CHST15: variants seen among roughly 807,000 people sequenced by gnomAD.
The protein encoded by CHST15 is carbohydrate sulfotransferase 15.
A neutral mutation model predicts 53.6 loss-of-function variants in CHST15; 30 were observed. The observed-to-expected ratio is 0.56, with a 90% CI of 0.42 to 0.76. The LOEUF (loss-of-function observed/expected upper bound fraction) is 0.76. CHST15 is among the 30% of genes least tolerant of loss of function. The pLI, the probability that CHST15 is intolerant of heterozygous loss-of-function variation, is 0.00. For synonymous variants in CHST15, 296 were observed against 289.8 expected (o/e 1.02, Z -0.22); for missense variants, 627 against 740.5 (o/e 0.85, Z 1.78).
Position 124,051,150 on chromosome 10 carries a change from C to G in CHST15, c.-512-4426G>C, listed in dbSNP as rs572289810. On this transcript the variant is annotated intron_variant, in intron 1 of 7. Transcript: ENST00000435907. Reference sequence around the variant, plus strand: ...TAGAGACGGAGTTTCACCATGTTGGCCAGGCTAGTCTCGAACTCTTGGCCT... The same window carrying G: ...TAGAGACGGAGTTTCACCATGTTGGGCAGGCTAGTCTCGAACTCTTGGCCT... 2.2e-4 allele frequency among the ~76,000 whole-genome samples: 33 copies of G among 152,220 alleles called. 1 individual carries two copies. The South Asian group carries it at 6.6e-3, about 31-fold the overall frequency.
In CHST15 at chr10:124,009,793, T is replaced by C. The variant is rs1946361085; in HGVS notation, c.*356A>G. The C allele has an allele frequency of 4.7e-6, 5 of 1,075,124 alleles. No homozygotes were observed. Among genetic ancestry groups the C allele is most frequent in the Middle Eastern group, 4.4e-4 (1 of 2,294 alleles). 66.6% of individuals were successfully genotyped at this position (1,075,124 alleles called of 1,614,324 possible). A position where few individuals can be genotyped will look rare whatever the true frequency, so the allele number is the denominator to read the frequency against. ...GCTTGCTGACTCAGAACCCAGAGGC[T>C]CTCCAGAAGGCGGAGGCGGGCAGGG... On this transcript the variant is annotated 3_prime_UTR_variant, in exon 8 of 8. Coordinates refer to ENST00000435907, the MANE Select transcript of CHST15 (RefSeq NM_001270764.2).
chr10:124,036,887 G>A lies in CHST15; in HGVS notation c.1190+1628C>T, dbSNP rs962261898. 4.6e-5 allele frequency among the ~76,000 whole-genome samples: 7 copies of A among 152,166 alleles called. No homozygotes were observed. Among genetic ancestry groups the A allele is most frequent in the African/African-American group, 9.7e-5 (4 of 41,444 alleles). On this transcript the variant is annotated intron_variant, in intron 5 of 7. Transcript: ENST00000435907. This position sits in a 1 kb window ranked among gnomAD's most constrained non-coding sequence, Gnocchi z 5.1. Reference sequence around the variant, plus strand: ...AAGGGGTCCCAGGGGTCAGTTTCCCGGGGCTGCCAGGACAAATCACCACGA... The same window carrying A: ...AAGGGGTCCCAGGGGTCAGTTTCCCAGGGCTGCCAGGACAAATCACCACGA...
At chr10:124,023,913 G>A (rs953428483) in intron 5 of CHST15, among the ~76,000 whole-genome samples, 2 of 151,280 alleles carry the variant, frequency 1.3e-5, no homozygotes, top group African/African-American at 2.4e-5. Flanking sequence ...GCGCAATCTC[G>A]GCTCACTGCA....
At chr10:124,030,191 C>T (rs1314922257) in intron 5 of CHST15, among the ~76,000 whole-genome samples, 1 of 152,174 alleles carries the variant, frequency 6.6e-6, no homozygotes, top group Non-Finnish European at 1.5e-5. Flanking sequence ...CACAAAGACC[C>T]GAGCTGTCCT....
At chr10:124,014,633 G>T (rs1486637241) in intron 6 of CHST15, among the ~76,000 whole-genome samples, 1 of 152,160 alleles carries the variant, frequency 6.6e-6, no homozygotes, top group East Asian at 1.9e-4. Flanking sequence ...GGGCTTTTCA[G>T]TTGTCTCCCT....
intron 1 of CHST15, among the ~76,000 whole-genome samples, chr10:124,093,160 T>C (rs1374105553): frequency 1.3e-5 from 2 of 152,150 alleles, no homozygotes; most frequent in East Asian, 1.9e-4. Context: ...TGGGGATCGC[T>C]GAAGCCTCGG....
rs117948475 is a variant in CHST15, at chr10:124,032,084, T to C, written c.1190+6431A>G. On this transcript the variant is annotated intron_variant, in intron 5 of 7. Coordinates refer to ENST00000435907, the MANE Select transcript of CHST15 (RefSeq NM_001270764.2). ...GTGACTGCCTATAACAGAATCCATT[T>C]CATTAAAAGCCTGCTTCCTTTCCTA... 3.2e-4 allele frequency among the ~76,000 whole-genome samples: 48 copies of C among 152,344 alleles called. No homozygotes were observed. In the East Asian group the frequency reaches 9.2e-3, roughly 29 times the overall value.
At chr10:124,020,338 A>T in intron 6 of CHST15, 1 of 985,230 alleles carries the variant, frequency 1.0e-6, no homozygotes, top group Non-Finnish European at 1.2e-6. Context: ...TCCAAAGTGT[A>T]CTCCTCCTAC....
intron 1 of CHST15, among the ~76,000 whole-genome samples, chr10:124,050,511 G>T (rs190824436): frequency 6.4e-4 from 98 of 152,316 alleles, no homozygotes; most frequent in Middle Eastern, 3.4e-3. Context: ...ATGCTTAGCA[G>T]CACCCTGGCC....
At chr10:124,078,282 G>A (rs1042445414) in intron 1 of CHST15, among the ~76,000 whole-genome samples, 5 of 152,280 alleles carry the variant, frequency 3.3e-5, no homozygotes, top group Non-Finnish European at 4.4e-5. Flanking sequence ...TATATTCCAC[G>A]CCCAACTCTA....
chr10:124,076,460 G>C (rs1021641854), intron 1 of CHST15, among the ~76,000 whole-genome samples: 10 of 152,164 alleles, frequency 6.6e-5, no homozygotes, highest in Non-Finnish European at 1.3e-4. Context: ...TTTCCTAAGC[G>C]TGTGCTTAGG....
chr10:124,083,508 T>G (rs116118861), intron 1 of CHST15, among the ~76,000 whole-genome samples: 70 of 152,274 alleles, frequency 4.6e-4, no homozygotes, highest in African/African-American at 1.7e-3. Flanking sequence ...CTTTTCCTTT[T>G]TTTTGCCTGG....
chr10:124,082,027 A>G (rs1177581129), intron 1 of CHST15, among the ~76,000 whole-genome samples: 5 of 152,196 alleles, frequency 3.3e-5, no homozygotes, highest in African/African-American at 1.2e-4. Context: ...TGGCGCCACA[A>G]GGTGCTGTTC....
intron 4 of CHST15, among the ~76,000 whole-genome samples, chr10:124,041,661 C>T (rs1469677534): frequency 1.3e-5 from 2 of 152,082 alleles, no homozygotes; most frequent in Admixed American, 1.3e-4. Context: ...TGCTGTACAC[C>T]TTAAATTATA....
intron 1 of CHST15, among the ~76,000 whole-genome samples, chr10:124,076,181 T>C (rs1409818690): frequency 6.6e-6 from 1 of 152,122 alleles, no homozygotes; most frequent in East Asian, 1.9e-4. Context: ...ATCTTTTCCA[T>C]TTTACAGTGA....
At chr10:124,022,861 G>A (rs1946839519) in intron 5 of CHST15, among the ~76,000 whole-genome samples, 1 of 135,784 alleles carries the variant, frequency 7.4e-6, no homozygotes, top group Admixed American at 8.3e-5. Flanking sequence ...CTGTCCCCCA[G>A]GCTGGAGTAC....
intron 4 of CHST15, among the ~76,000 whole-genome samples, chr10:124,038,929 C>G (rs1014475266): frequency 9.9e-5 from 15 of 152,122 alleles, no homozygotes; most frequent in Admixed American, 9.2e-4. Context: ...TGAGTGCCCC[C>G]ACCCCTGAGC....
chr10:124,071,244 C>T (rs922332850), intron 1 of CHST15, among the ~76,000 whole-genome samples: 2 of 152,218 alleles, frequency 1.3e-5, no homozygotes, highest in African/African-American at 4.8e-5. Context: ...CTGGAGGGAA[C>T]GGGCAGTTTC....
chr10:124,046,067 C>T lies in CHST15; in HGVS notation c.146G>A (p.Ser49Asn). The change falls in exon 2 of 8, where the codon AGT becomes AAT. Residue 49 changes from serine to asparagine, a missense_variant. Physicochemically the swap from Ser to Asn is conservative, Grantham distance 46. This residue lies in a region of CHST15 where 187 missense variants were observed against 251.8 expected (regional missense o/e 0.74). Transcript: ENST00000435907. ...AACAGCAAGCAAGTTCATCTGCTTA[C>T]TGTCCACACGAAACAGAATTTTGTT... ...GENKILFRVD[S>N]KQMNLLAVLE... 1.2e-6 allele frequency: 2 copies of T among 1,614,264 alleles called. No individual in the cohort carries two copies. The highest frequency in any genetic ancestry group is 8.5e-7 in the Non-Finnish European group (1 of 1,180,056).
Sources: allele counts gnomAD v4.1 joint callset (sites outside exome capture counted in the v4.1 genomes callset), GRCh38; gene constraint gnomAD v4.1.1; regional missense constraint gnomAD v4.1.1; non-coding constraint Gnocchi (gnomAD v3.1); transcripts MANE v1.5; gene names NCBI Gene and HGNC (gene_info 2026-07-23, HGNC 2026-07-21).